The following ZNF334 variants were observed in gnomAD, a reference collection of about 807,000 sequenced individuals.
ZNF334 encodes the protein zinc finger protein 334.
In ZNF334, 14 loss-of-function variants were observed where a neutral mutation model predicts 12.4. The observed-to-expected ratio is 1.13, with a 90% CI of 0.74 to 1.76. The LOEUF (loss-of-function observed/expected upper bound fraction) is 1.76, where lower values mean the gene tolerates loss of function less well. Ranked by LOEUF, ZNF334 falls within the 40% of genes most tolerant of loss-of-function variation. The pLI, the probability that ZNF334 is intolerant of heterozygous loss-of-function variation, is 0.00. For synonymous variants in ZNF334, 273 were observed against 269.6 expected (o/e 1.01, Z -0.12); for missense variants, 797 against 804.5 (o/e 0.99, Z 0.11).
the ZNF334 span, chr20:46,484,988 T>A: frequency 6.0e-6 from 1 of 167,266 alleles, no homozygotes; most frequent in South Asian, 2.1e-4. Flanking sequence ...CAAGATCATT[T>A]ATTTTTCTTA....
At position 46,502,601 on chromosome 20, in the gene ZNF334, A is replaced by G; in HGVS notation, c.738T>C (p.Phe246=). The G allele has an allele frequency of 6.2e-7, 1 of 1,609,386 alleles. No homozygotes were observed. Among genetic ancestry groups the G allele is most frequent in the Non-Finnish European group, 8.5e-7 (1 of 1,178,594 alleles). ...GTACAATGAGGGTAGATCTCTTAGAAAAGGTTTTCCTACATTCATTACATT... is the reference window on the plus strand; with the variant it reads ...GTACAATGAGGGTAGATCTCTTAGAGAAGGTTTTCCTACATTCATTACATT... ...PNECNECRKT[F]SKRSTLIVHQ... is the part of the protein sequence containing the mutation. The change falls in exon 5 of 5, where the codon TTT becomes TTC. Residue 246 remains phenylalanine, a synonymous_variant. Transcript: ENST00000692313.
chr20:46,479,261 A>G, the ZNF334 span, among the ~76,000 whole-genome samples: 10 of 152,180 alleles, frequency 6.6e-5, no homozygotes, highest in South Asian at 2.1e-3. Context: ...CCCTCTTTTA[A>G]GGACCCTTTT....
At position 46,502,196 on chromosome 20, in the gene ZNF334, T is replaced by A; in HGVS notation, c.1143A>T (p.Glu381Asp). Residue 381 changes from glutamate to aspartate, a missense_variant, in exon 5 of 5, where the codon GAA (glutamate) becomes GAT (aspartate). Glu to Asp is a conservative substitution (Grantham distance 45). Transcript: ENST00000692313. ...ACTGACAGAAGAAGGTTTTCCCACATTCCTTACATTCATTTGGCTTCTCTC... is the reference window on the plus strand; with the variant it reads ...ACTGACAGAAGAAGGTTTTCCCACAATCCTTACATTCATTTGGCTTCTCTC... ...HRGEKPNECK[E>D]CGKTFFCQSA... 1 of 1,614,170 alleles carries A rather than the reference T, an allele frequency of 6.2e-7. No individual in the cohort carries two copies. Among genetic ancestry groups the A allele is most frequent in the South Asian group, 1.1e-5 (1 of 91,084 alleles).
chr20:46,463,709 G>T, the ZNF334 span: 1 of 223,098 alleles, frequency 4.5e-6, no homozygotes, highest in Admixed American at 4.6e-5. Context: ...TTTCCACAGA[G>T]AAAATAACAC....
intron 4 of ZNF334, 89 bp from the exon 5 acceptor site, chr20:46,503,186 G>T: frequency 7.1e-7 from 1 of 1,402,514 alleles, no homozygotes; most frequent in Non-Finnish European, 9.4e-7. Context: ...ATTGTTTTAG[G>T]GGTTAGACTT....
chr20:46,497,960 T>TC (rs778244175), downstream of ZNF334, among the ~76,000 whole-genome samples: 28 of 36,460 alleles, frequency 7.7e-4, no homozygotes, highest in African/African-American at 1.5e-3. Flanking sequence ...TTCCAAGATT[T>TC]CCCCGTCTAT....
At chr20:46,467,403 G>A in the ZNF334 span, among the ~76,000 whole-genome samples, 2 of 152,264 alleles carry the variant, frequency 1.3e-5, no homozygotes, top group South Asian at 2.1e-4. Flanking sequence ...ACCCTCACAC[G>A]TAACAATAGT....
the ZNF334 span, among the ~76,000 whole-genome samples, chr20:46,485,256 C>T: frequency 6.6e-6 from 1 of 152,138 alleles, no homozygotes; most frequent in Non-Finnish European, 1.5e-5. Flanking sequence ...TATCACTCTC[C>T]CTGTACCCTT....
rs751981424 is a variant in ZNF334 at position 46,501,349 on chromosome 20, T to C, written c.1990A>G (p.Thr664Ala). 4 of 1,613,038 alleles carry C rather than the reference T, an allele frequency of 2.5e-6. No individual in the cohort carries two copies. Among genetic ancestry groups the C allele is most frequent in the Non-Finnish European group, 2.5e-6 (3 of 1,179,186 alleles). The change falls in exon 5 of 5, where the codon ACA becomes GCA. Residue 664 changes from threonine to alanine, a missense_variant. Thr to Ala is a moderately conservative substitution (Grantham distance 58). Coordinates refer to ENST00000692313, the MANE Select transcript of ZNF334 (RefSeq NM_001353824.2). ...AGAAAGTTTGATTTGTGGCGAAATG[T>C]TTTCTCACATTTGTTACATTCATAA... ...KPYECNKCEK[T>A]FRHKSNFLLH...
Position 46,504,741 on chromosome 20 carries a change from C to A in ZNF334, c.22-1G>T. 6.2e-7 allele frequency: 1 copy of A among 1,600,098 alleles called. No homozygotes were observed. The highest frequency in any genetic ancestry group is 8.5e-7 in the Non-Finnish European group (1 of 1,174,962). On this transcript the variant is annotated splice_acceptor_variant, in intron 2 of 4. Transcript: ENST00000692313. LOFTEE classifies it high-confidence loss of function. Reference sequence around the variant, plus strand: ...TCAGGTCCTGGAATGAAACTGGTATCTGAAAGAAAATGTTTAATCTTGGGT... The same window carrying A: ...TCAGGTCCTGGAATGAAACTGGTATATGAAAGAAAATGTTTAATCTTGGGT...
At chr20:46,506,552 G>A (rs1568870723) in intron 2 of ZNF334, 1 of 384,934 alleles carries the variant, frequency 2.6e-6, no homozygotes, top group Middle Eastern at 6.5e-4. Context: ...GGAGTCAGAG[G>A]TTGCAGTGAG....
In ZNF334 at chr20:46,501,960, G is replaced by A. The variant is rs1601018740; in HGVS notation, c.1379C>T (p.Ser460Phe). The stretch of plus-strand genomic sequence containing the variant: ...TTTCCCACATTCATTACATTCATAA[G>A]ACTTCTTTCCTCTATGAGTTATCTG... ...AHQITHRGKKSYECNECGKFF... is the reference protein window; with the variant it reads ...AHQITHRGKKFYECNECGKFF... Residue 460 changes from serine (S) to phenylalanine (F), a missense_variant, in exon 5 of 5, where the codon TCT becomes TTT. Transcript: ENST00000692313. 6.2e-7 allele frequency: 1 copy of A among 1,614,016 alleles called. No individual in the cohort carries two copies. The highest frequency in any genetic ancestry group is 8.5e-7 in the Non-Finnish European group (1 of 1,180,014).
chr20:46,482,852 T>C, the ZNF334 span, among the ~76,000 whole-genome samples: 7 of 152,194 alleles, frequency 4.6e-5, no homozygotes, highest in Non-Finnish European at 7.3e-5. Flanking sequence ...TGTTCTACAG[T>C]GTGAATTGTC....
chr20:46,468,396 T>C, the ZNF334 span, among the ~76,000 whole-genome samples: 1 of 151,210 alleles, frequency 6.6e-6, no homozygotes, highest in Middle Eastern at 3.2e-3. Context: ...CACCTCAGCC[T>C]CCTGAGTAGC....
chr20:46,471,688 C>G, the ZNF334 span, among the ~76,000 whole-genome samples: 1 of 152,206 alleles, frequency 6.6e-6, no homozygotes, highest in East Asian at 1.9e-4. Context: ...TCAACACCAT[C>G]TATTGAAAAG....
chr20:46,503,257 T>C (rs1341365819), intron 4 of ZNF334, among the ~76,000 whole-genome samples, 160 bp from the exon 5 acceptor site: 1 of 152,210 alleles, frequency 6.6e-6, no homozygotes, highest in Non-Finnish European at 1.5e-5. Context: ...CTTGGTTGAT[T>C]TGAAGAAATA....
Position 46,501,852 on chromosome 20 carries a change from C to T in ZNF334, c.1487G>A (p.Arg496Lys), listed in dbSNP as rs759796525. ...EKHGVFNKCG[R>K]ISIVKSNCSQ... Reference sequence around the variant, plus strand: ...GCAGTTTGACTTCACAATGGAGATTCTACCACATTTATTAAACACACCATG... The same window carrying T: ...GCAGTTTGACTTCACAATGGAGATTTTACCACATTTATTAAACACACCATG... Residue 496 changes from arginine (R) to lysine (K), a missense_variant, in exon 5 of 5, where the codon AGA (arginine) becomes AAA (lysine). Coordinates refer to ENST00000692313, the MANE Select transcript of ZNF334 (RefSeq NM_001353824.2). 6.2e-7 allele frequency: 1 copy of T among 1,612,962 alleles called. No homozygotes were observed. The highest frequency in any genetic ancestry group is 8.5e-7 in the Non-Finnish European group (1 of 1,179,608).
At chr20:46,498,934 G>T (rs2145922768), downstream of ZNF334, among the ~76,000 whole-genome samples, 1 of 152,170 alleles carries the variant, frequency 6.6e-6, no homozygotes, top group East Asian at 1.9e-4. Context: ...CAGCACTTTG[G>T]GAGGCCGAGG....
At chr20:46,506,241 A>C (rs1363218159) in intron 2 of ZNF334, 1 of 471,666 alleles carries the variant, frequency 2.1e-6, no homozygotes, top group African/African-American at 2.0e-5. Context: ...AATAATGAGG[A>C]AGGTCTCCAT....
Sources: allele counts gnomAD v4.1 joint callset (sites outside exome capture counted in the v4.1 genomes callset), GRCh38; gene constraint gnomAD v4.1.1; transcripts MANE v1.5; gene names NCBI Gene and HGNC (gene_info 2026-07-23, HGNC 2026-07-21).